The following CDH10 variants were observed in gnomAD, a reference collection of about 807,000 sequenced individuals.
CDH10 encodes the protein cadherin 10.
A neutral mutation model predicts 73.1 loss-of-function variants in CDH10; 30 were observed. That is an observed-to-expected ratio of 0.41 (90% confidence interval 0.31 to 0.56). The LOEUF (loss-of-function observed/expected upper bound fraction) is 0.56. CDH10 is among the 20% of genes least tolerant of loss of function. CDH10 has a pLI of 0.27. For synonymous variants in CDH10, 345 were observed against 348.2 expected, an observed-to-expected ratio of 0.99 and a Z score of 0.10; for missense variants, 815 against 973.7, an observed-to-expected ratio of 0.84 and a Z score of 2.17.
chr5:24,594,752 C>G (rs907672504), intron 1 of CDH10, among the ~76,000 whole-genome samples: 3 of 151,904 alleles, frequency 2.0e-5, no homozygotes, highest in African/African-American at 7.2e-5. Context: ...TAAAACCACC[C>G]CTGACATTTC....
At chr5:24,595,087 G>C (rs1041289612) in intron 1 of CDH10, among the ~76,000 whole-genome samples, 2 of 151,444 alleles carry the variant, frequency 1.3e-5, no homozygotes, top group African/African-American at 4.8e-5. Context: ...TTATAATATT[G>C]TGAACATACT....
chr5:24,488,722 C>A (rs1419672311), intron 11 of CDH10, among the ~76,000 whole-genome samples: 1 of 151,440 alleles, frequency 6.6e-6, no homozygotes, highest in Non-Finnish European at 1.5e-5. Context: ...GGAAAAAAAA[C>A]AGATTAGTTA....
intron 1 of CDH10, among the ~76,000 whole-genome samples, chr5:24,628,895 A>G (rs1310655922): frequency 7.8e-6 from 1 of 127,628 alleles, no homozygotes; most frequent in Non-Finnish European, 1.6e-5. Flanking sequence ...CATTCTATGT[A>G]TTTTCCAAGC....
chr5:24,539,432 T>C (rs961242953), intron 2 of CDH10, among the ~76,000 whole-genome samples: 3 of 152,002 alleles, frequency 2.0e-5, no homozygotes, highest in African/African-American at 7.2e-5. Context: ...AAATTTTATG[T>C]GTATTTATCT....
At chr5:24,523,198 T>C (rs992391545) in intron 5 of CDH10, among the ~76,000 whole-genome samples, 2 of 152,058 alleles carry the variant, frequency 1.3e-5, no homozygotes, top group Non-Finnish European at 2.9e-5. Context: ...ATGAGTAATG[T>C]ATAAACATAT....
chr5:24,601,793 A>T (rs1746574496), intron 1 of CDH10, among the ~76,000 whole-genome samples: 1 of 152,066 alleles, frequency 6.6e-6, no homozygotes, highest in South Asian at 2.1e-4. Flanking sequence ...AAAGTCGTAA[A>T]TTAGTTGATA....
At chr5:24,640,111 T>A (rs1050048096) in intron 1 of CDH10, among the ~76,000 whole-genome samples, 1 of 151,816 alleles carries the variant, frequency 6.6e-6, no homozygotes, top group Non-Finnish European at 1.5e-5. Flanking sequence ...TAATGTATAA[T>A]GTGGCAGATG....
At chr5:24,514,230 A>G (rs758210096) in intron 5 of CDH10, among the ~76,000 whole-genome samples, 10 of 152,154 alleles carry the variant, frequency 6.6e-5, no homozygotes, top group Non-Finnish European at 1.5e-4. Flanking sequence ...AAAAACATTC[A>G]TATTATCAAG....
At chr5:24,573,053 A>C (rs114382185) in intron 2 of CDH10, among the ~76,000 whole-genome samples, 1,987 of 151,936 alleles carry the variant, frequency 0.013, 44 homozygotes, top group African/African-American at 0.046. Flanking sequence ...ATTGATTTCC[A>C]AAAGTAACAA....
At position 24,593,326 on chromosome 5, in the gene CDH10, A is replaced by G. The variant is rs775160434; in HGVS notation, c.165T>C (p.Gly55=). 6.2e-7 allele frequency: 1 copy of G among 1,613,084 alleles called. No homozygotes were observed. The highest frequency in any genetic ancestry group is 2.2e-5 in the East Asian group (1 of 44,826). ...GTAAGAAAAATTGATTCCACATCCA[A>G]CCACGTTTTTGACGATGGAGAATTT... ...DGKILHRQKR[G]WMWNQFFLLE... Residue 55 remains glycine (G), a synonymous_variant, in exon 2 of 12, where the codon GGT becomes GGC. Transcript: ENST00000264463.
rs1221931414 is a variant in CDH10 at position 24,505,218 on chromosome 5, G to A, written c.1287C>T (p.Asp429=). The A allele has an allele frequency of 3.1e-6, 5 of 1,612,744 alleles. No homozygotes were observed. The Admixed American group carries it at 6.7e-5, about 22-fold the overall frequency. The change falls in exon 8 of 12, where the codon GAC becomes GAT. Residue 429 remains aspartate (D), a synonymous_variant. Transcript: ENST00000264463. ...TTCCTGAATGAATGTTAAAGATTCT[G>A]TCAAGGTCAGTATGGCGATCCAAGG... is the stretch of plus-strand genomic sequence containing the variant. ...RFSLDRHTDL[D]RIFNIHSGNG...
intron 1 of CDH10, among the ~76,000 whole-genome samples, chr5:24,634,006 T>G (rs1747789492): frequency 6.6e-6 from 1 of 151,852 alleles, no homozygotes. Flanking sequence ...ATTTACCCTA[T>G]AAATGGGTCA....
At chr5:24,541,598 T>C (rs1420199923) in intron 2 of CDH10, among the ~76,000 whole-genome samples, 3 of 152,144 alleles carry the variant, frequency 2.0e-5, no homozygotes, top group Non-Finnish European at 2.9e-5. Context: ...CTTTGAAAGA[T>C]ATGACTTATA....
chr5:24,558,211 A>AC (rs70965614), intron 2 of CDH10, among the ~76,000 whole-genome samples: 125,398 of 151,398 alleles, frequency 0.83, 51,968 homozygotes, highest in East Asian at 0.9. Flanking sequence ...TTGGGGTCAA[A>AC]TTTCTGTAAT....
chr5:24,490,520 C>T (rs917994611), intron 11 of CDH10, among the ~76,000 whole-genome samples: 2 of 151,984 alleles, frequency 1.3e-5, no homozygotes, highest in African/African-American at 4.8e-5. Context: ...AATGATTTAT[C>T]TACCATAAGT....
intron 1 of CDH10, among the ~76,000 whole-genome samples, chr5:24,608,112 C>A (rs1399156717): frequency 6.6e-6 from 1 of 151,926 alleles, no homozygotes; most frequent in Non-Finnish European, 1.5e-5. Context: ...TAGCCATGTT[C>A]TTATATTAAA....
intron 2 of CDH10, among the ~76,000 whole-genome samples, chr5:24,566,326 G>C (rs1745163631): frequency 6.6e-6 from 1 of 152,244 alleles, no homozygotes; most frequent in East Asian, 1.9e-4. Context: ...GGGAGTACAG[G>C]AGTGAGCCAC....
intron 1 of CDH10, among the ~76,000 whole-genome samples, chr5:24,625,244 C>T (rs1158305724): frequency 2.1e-5 from 3 of 143,880 alleles, no homozygotes; most frequent in Non-Finnish European, 4.6e-5. Context: ...GTTACTACCA[C>T]TTTTATCTTT....
At chr5:24,553,040 C>T (rs186433332) in intron 2 of CDH10, among the ~76,000 whole-genome samples, 6 of 152,174 alleles carry the variant, frequency 3.9e-5, no homozygotes, top group African/African-American at 1.4e-4. Context: ...AATATGACAA[C>T]AAAATGCTGG....
Sources: gnomAD v4.1 joint callset for allele counts (sites outside exome capture counted in the v4.1 genomes callset) on GRCh38, gnomAD v4.1.1 for gene constraint, MANE v1.5 for transcripts, NCBI Gene and HGNC (gene_info 2026-07-23, HGNC 2026-07-21) for gene names.